Variants in NEDD9 observed in about 807,000 individuals in gnomAD.
NEDD9 encodes neural precursor cell expressed, developmentally down-regulated 9, also known as enhancer of filamentation 1.
Under a neutral mutation model 76.6 loss-of-function variants are expected in NEDD9, and 26 were observed. The ratio of observed to expected loss-of-function variants is 0.34; its 90% CI spans 0.25 to 0.47. The LOEUF (loss-of-function observed/expected upper bound fraction) is 0.47. Among genes scored for constraint, NEDD9 ranks in the 20% least tolerant of loss-of-function variants. The pLI is 1.00. For missense variants in NEDD9, 937 were observed against 1,058.5 expected (o/e 0.89, Z 1.59); for synonymous variants, 392 against 414.2 (o/e 0.95, Z 0.65).
chr6:11,314,523 G>A (rs1213311951), intron 2 of NEDD9, among the ~76,000 whole-genome samples: 1 of 152,192 alleles, frequency 6.6e-6, no homozygotes, highest in Non-Finnish European at 1.5e-5. Flanking sequence ...AAATAAGCAT[G>A]ATTGAGCAAG....
chr6:11,214,432 G>A (rs1316681365), intron 1 of NEDD9, among the ~76,000 whole-genome samples: 2 of 152,206 alleles, frequency 1.3e-5, no homozygotes, highest in Non-Finnish European at 2.9e-5. Context: ...GGTCTTTTAT[G>A]CATACCTTTC....
At chr6:11,232,677 T>C, upstream of NEDD9, 6 of 1,492,666 alleles carry the variant, frequency 4.0e-6, no homozygotes, top group Non-Finnish European at 5.3e-6. Context: ...CTGAGCTCAC[T>C]GTTGTGACTG....
intron 3 of NEDD9, among the ~76,000 whole-genome samples, chr6:11,275,519 CTTAT>C (rs1333558254): frequency 6.6e-6 from 1 of 151,876 alleles, no homozygotes; most frequent in Non-Finnish European, 1.5e-5. Flanking sequence ...ATACGCATTT[CTTAT>C]TTGTCAATTA....
chr6:11,338,504 AG>A (rs1262016243), intron 1 of NEDD9, among the ~76,000 whole-genome samples: 9 of 152,220 alleles, frequency 5.9e-5, no homozygotes, highest in African/African-American at 2.2e-4. Context: ...CCTTAAGTGA[AG>A]CATCAGAAAG....
At chr6:11,194,997 C>G (rs1758254674) in intron 2 of NEDD9, among the ~76,000 whole-genome samples, 1 of 152,310 alleles carries the variant, frequency 6.6e-6, no homozygotes, top group African/African-American at 2.4e-5. Context: ...ACAGACATTG[C>G]AAATGAGGAA....
At chr6:11,274,855 C>T (rs1393303424) in intron 3 of NEDD9, among the ~76,000 whole-genome samples, 2 of 152,092 alleles carry the variant, frequency 1.3e-5, no homozygotes, top group Admixed American at 1.3e-4. Context: ...CCCAGCAATT[C>T]CATTCTGGTC....
intron 1 of NEDD9, among the ~76,000 whole-genome samples, chr6:11,358,481 A>G (rs1265057085): frequency 6.6e-6 from 1 of 152,124 alleles, no homozygotes; most frequent in Non-Finnish European, 1.5e-5. Flanking sequence ...ACACCTCCAA[A>G]CCTAGTTAAC....
intron 1 of NEDD9, among the ~76,000 whole-genome samples, chr6:11,380,221 A>G (rs932532570): frequency 2.0e-5 from 3 of 152,254 alleles, no homozygotes; most frequent in Non-Finnish European, 4.4e-5. Context: ...AAGTACCTAC[A>G]GTAGTAGGTG....
chr6:11,283,767 G>A (rs925034902), intron 3 of NEDD9, among the ~76,000 whole-genome samples: 3 of 152,150 alleles, frequency 2.0e-5, no homozygotes, highest in Non-Finnish European at 4.4e-5. Flanking sequence ...TATTTTTATA[G>A]GGAACAAAGT....
intron 2 of NEDD9, among the ~76,000 whole-genome samples, chr6:11,212,874 G>C (rs1259200994): frequency 6.6e-6 from 1 of 152,238 alleles, no homozygotes; most frequent in African/African-American, 2.4e-5. Flanking sequence ...TTTTGGCCAA[G>C]GGAGGATCCT....
At chr6:11,374,060 C>CTATA (rs1286973977) in intron 1 of NEDD9, among the ~76,000 whole-genome samples, 1 of 151,436 alleles carries the variant, frequency 6.6e-6, no homozygotes, top group African/African-American at 2.4e-5. Flanking sequence ...CTCTCTCTCT[C>CTATA]TCTCTCTATA....
At chr6:11,249,416 A>G (rs1327599510) in intron 3 of NEDD9, among the ~76,000 whole-genome samples, 1 of 152,226 alleles carries the variant, frequency 6.6e-6, no homozygotes, top group Non-Finnish European at 1.5e-5. Context: ...TACAAGGTCC[A>G]AGGTGGCTCA....
rs2113420281 is a variant in NEDD9 at position 11,305,890 on chromosome 6, G to A, written c.12+102C>T. ...CCAAATGTTAGTTGCAGGCCCGTAT[G>A]ACAAAAAAACATGATTTGTATTATT... On this transcript the variant is annotated intron_variant, in intron 3 of 3. Coordinates refer to the NEDD9 transcript ENST00000397378. 3.6e-6 allele frequency: 5 copies of A among 1,395,962 alleles called. No individual in the cohort carries two copies. The South Asian group carries it at 5.8e-5, about 16-fold the overall frequency. The allele number at this position is 1,395,962 out of a possible 1,614,324, so 86.5% of individuals were successfully genotyped here.
At chr6:11,377,260 C>A (rs1025578646) in intron 1 of NEDD9, among the ~76,000 whole-genome samples, 2 of 152,216 alleles carry the variant, frequency 1.3e-5, no homozygotes, top group Admixed American at 6.5e-5. Flanking sequence ...GGCTGCCACC[C>A]TCTAGAACCC....
intron 1 of NEDD9, among the ~76,000 whole-genome samples, chr6:11,341,193 G>C (rs963546034): frequency 4.6e-5 from 7 of 152,176 alleles, no homozygotes; most frequent in Non-Finnish European, 7.4e-5. Context: ...ACAGGACAAG[G>C]TATGTGAAGC....
chr6:11,334,982 A>G (rs998146561), intron 1 of NEDD9, among the ~76,000 whole-genome samples: 4 of 152,204 alleles, frequency 2.6e-5, no homozygotes, highest in African/African-American at 9.7e-5. Context: ...AATTGAGAGC[A>G]ATCATTAAAG....
At chr6:11,245,776 G>A (rs889879782) in intron 3 of NEDD9, among the ~76,000 whole-genome samples, 3 of 152,014 alleles carry the variant, frequency 2.0e-5, no homozygotes, top group Non-Finnish European at 2.9e-5. Context: ...TTTTTCCATC[G>A]TGCTCTTGTA....
At chr6:11,306,028 C>T (rs368637272) in exon 3 of NEDD9, 2 of 1,613,800 alleles carry the variant, frequency 1.2e-6, no homozygotes, top group African/African-American at 1.3e-5. Flanking sequence ...TGATGCAGCT[C>T]TGGATGTTGG....
At chr6:11,265,091 T>G (rs772544741) in intron 3 of NEDD9, among the ~76,000 whole-genome samples, 4 of 152,260 alleles carry the variant, frequency 2.6e-5, no homozygotes, top group Non-Finnish European at 5.9e-5. Context: ...GTTCATCAGA[T>G]TCTTCAGTTT....
Sources: allele counts gnomAD v4.1 joint callset (sites outside exome capture counted in the v4.1 genomes callset), GRCh38; gene constraint gnomAD v4.1.1; transcripts MANE v1.5; gene names NCBI Gene and HGNC (gene_info 2026-07-23, HGNC 2026-07-21).